Variants in RIGI observed in about 807,000 individuals in gnomAD.
RIGI encodes RNA sensor RIG-I.
the RIGI span, chr9:32,459,585 G>A: frequency 1.5e-5 from 22 of 1,440,028 alleles, no homozygotes; most frequent in African/African-American, 2.8e-5. Flanking sequence ...GCACAGATAC[G>A]TACAATACAT....
At chr9:32,488,969 C>T in the RIGI span, 1 of 1,150,264 alleles carries the variant, frequency 8.7e-7, no homozygotes, top group Non-Finnish European at 1.2e-6. Context: ...TTTGGCTCTT[C>T]TAATACCACT....
chr9:32,463,726 C>A, the RIGI span, among the ~76,000 whole-genome samples: 1 of 151,766 alleles, frequency 6.6e-6, no homozygotes, highest in Non-Finnish European at 1.5e-5. Flanking sequence ...AAAGAAGCAG[C>A]CTAGCTCCAC....
chr9:32,495,137 C>T, the RIGI span, among the ~76,000 whole-genome samples: 212 of 152,272 alleles, frequency 1.4e-3, 1 homozygote, highest in Middle Eastern at 3.4e-3. Flanking sequence ...TTTTACAATC[C>T]TACCAATCAG....
the RIGI span, chr9:32,459,481 T>C: frequency 2.5e-6 from 4 of 1,612,372 alleles, no homozygotes; most frequent in Non-Finnish European, 3.4e-6. Context: ...TGACTATCTC[T>C]GATGAATTTT....
the RIGI span, among the ~76,000 whole-genome samples, chr9:32,491,713 CAA>C: frequency 4.1e-3 from 407 of 100,412 alleles, 4 homozygotes; most frequent in Admixed American, 8.2e-3. Flanking sequence ...TCGTATGCAC[CAA>C]AAAAAAAAAA....
At chr9:32,487,398 G>T in the RIGI span, 1 of 1,422,606 alleles carries the variant, frequency 7.0e-7, no homozygotes, top group Non-Finnish European at 9.8e-7. Context: ...TTCAGTATTC[G>T]TCTAGATGGC....
chr9:32,458,093 T>G, the RIGI span, among the ~76,000 whole-genome samples: 1 of 152,124 alleles, frequency 6.6e-6, no homozygotes. Flanking sequence ...TGATGAGAGA[T>G]TTCTGCTTTC....
At chr9:32,467,294 C>T in the RIGI span, among the ~76,000 whole-genome samples, 15 of 152,194 alleles carry the variant, frequency 9.9e-5, no homozygotes, top group African/African-American at 2.4e-4. Flanking sequence ...GGAAGTGACA[C>T]GATCGAGCTG....
At chr9:32,523,354 G>GC in the RIGI span, among the ~76,000 whole-genome samples, 2 of 152,134 alleles carry the variant, frequency 1.3e-5, no homozygotes, top group African/African-American at 4.8e-5. Context: ...CCACACCTGT[G>GC]CAGCCAACAA....
chr9:32,457,483 TA>T, the RIGI span: 115,913 of 760,142 alleles, frequency 0.15, 21 homozygotes, highest in East Asian at 0.25. Context: ...AATTGTGATT[TA>T]AAAAAAAAAA....
the RIGI span, chr9:32,481,565 C>T: frequency 8.8e-7 from 1 of 1,134,274 alleles, no homozygotes. Context: ...TATAAACAGG[C>T]CTCACCCTCT....
At chr9:32,505,487 G>T in the RIGI span, among the ~76,000 whole-genome samples, 1 of 152,056 alleles carries the variant, frequency 6.6e-6, no homozygotes, top group South Asian at 2.1e-4. Flanking sequence ...ACAAACATAG[G>T]CTGTCTCTTC....
chr9:32,465,177 G>A, the RIGI span, among the ~76,000 whole-genome samples: 1 of 152,166 alleles, frequency 6.6e-6, no homozygotes, highest in Non-Finnish European at 1.5e-5. Flanking sequence ...TAAAACTAAG[G>A]GAGGAACTAA....
At chr9:32,520,188 TACC>T in the RIGI span, among the ~76,000 whole-genome samples, 1 of 152,128 alleles carries the variant, frequency 6.6e-6, no homozygotes, top group Admixed American at 6.5e-5. Context: ...GCACAGGACT[TACC>T]ACATTTTTGA....
At chr9:32,479,129 T>C in the RIGI span, among the ~76,000 whole-genome samples, 1 of 152,216 alleles carries the variant, frequency 6.6e-6, no homozygotes, top group Non-Finnish European at 1.5e-5. Context: ...TCTTTGTCAT[T>C]GCAACCCTTG....
the RIGI span, chr9:32,466,358 T>C: frequency 6.2e-7 from 1 of 1,614,020 alleles, no homozygotes; most frequent in Non-Finnish European, 8.5e-7. Flanking sequence ...ATTTTTTCTT[T>C]GTACATGTTT....
At chr9:32,481,502 T>TA in the RIGI span, 191,237 of 1,320,274 alleles carry the variant, frequency 0.14, 1,136 homozygotes, top group Middle Eastern at 0.18. Flanking sequence ...AGTTTTCTGT[T>TA]AAAAAAAAAA....
At chr9:32,474,023 G>A in the RIGI span, among the ~76,000 whole-genome samples, 5 of 151,962 alleles carry the variant, frequency 3.3e-5, no homozygotes, top group African/African-American at 7.3e-5. Flanking sequence ...CCGAGACTCC[G>A]TCTCAAAATT....
chr9:32,468,383 G>C, the RIGI span, among the ~76,000 whole-genome samples: 2 of 152,158 alleles, frequency 1.3e-5, no homozygotes, highest in African/African-American at 2.4e-5. Flanking sequence ...AACGAGGGTC[G>C]TGCCAGGCAT....
Sources: allele counts gnomAD v4.1 joint callset (sites outside exome capture counted in the v4.1 genomes callset), GRCh38; gene constraint gnomAD v4.1.1; transcripts MANE v1.5; gene names NCBI Gene and HGNC (gene_info 2026-07-23, HGNC 2026-07-21).